AP1B1: variants seen among roughly 807,000 people sequenced by gnomAD.
AP1B1 encodes the protein AP-1 complex subunit beta-1.
In AP1B1, 36 loss-of-function variants were observed where a neutral mutation model predicts 104.3. The observed-to-expected ratio is 0.35, with a 90% CI of 0.26 to 0.46. The LOEUF is 0.46. Among genes scored for constraint, AP1B1 ranks in the 20% least tolerant of loss-of-function variants. The pLI is 1.00. For missense variants in AP1B1, 901 were observed against 1,247.9 expected (o/e 0.72, Z 4.19); for synonymous variants, 504 against 517.5 (o/e 0.97, Z 0.35).
chr22:29,349,906 G>A (rs888608385), intron 10 of AP1B1, 129 bp downstream of exon 10: 2 of 764,734 alleles, frequency 2.6e-6, no homozygotes, highest in African/African-American at 1.7e-5. Context: ...AAAAACAAAG[G>A]GTTTCTTTTG....
intron 11 of AP1B1, among the ~76,000 whole-genome samples, chr22:29,347,792 G>C (rs545128339): frequency 1.3e-5 from 2 of 152,212 alleles, no homozygotes; most frequent in East Asian, 3.9e-4. Context: ...CTCCACAACA[G>C]GAATCTGGCA....
At chr22:29,360,015 T>C (rs1468073185) in intron 3 of AP1B1, 56 bp from the exon 4 acceptor site, 7 of 1,575,258 alleles carry the variant, frequency 4.4e-6, no homozygotes, top group Non-Finnish European at 6.1e-6. Flanking sequence ...AAGAGGAAGA[T>C]TTTCAGGCTG....
chr22:29,373,864 T>C (rs1405367050), intron 1 of AP1B1, among the ~76,000 whole-genome samples: 2 of 147,490 alleles, frequency 1.4e-5, no homozygotes, highest in African/African-American at 5.1e-5. Context: ...GTGGCACCAC[T>C]GCACTCCAGC....
rs745654616 is a variant in AP1B1, at chr22:29,356,608, G to A, written c.534C>T (p.Ala178=). ...LISDSNPMVV[A]NAVAALSEIA... is the part of the protein sequence containing the mutation. ...TTTCTGAGAGCGCTGCCACTGCATTGGCCACCACCTGGTTGAGAGGGTGGG... is the reference window on the plus strand; with the variant it reads ...TTTCTGAGAGCGCTGCCACTGCATTAGCCACCACCTGGTTGAGAGGGTGGG... Residue 178 remains alanine, a synonymous_variant, in exon 6 of 23, where the codon GCC becomes GCT. Coordinates refer to ENST00000357586, the MANE Select transcript of AP1B1 (RefSeq NM_001127.4). 1 of 1,613,942 alleles carries A rather than the reference G, an allele frequency of 6.2e-7. No individual in the cohort carries two copies. The highest frequency in any genetic ancestry group is 1.1e-5 in the South Asian group (1 of 91,060).
At chr22:29,366,883 A>C (rs1203556162) in intron 2 of AP1B1, among the ~76,000 whole-genome samples, 1 of 124,234 alleles carries the variant, frequency 8.0e-6, no homozygotes, top group Non-Finnish European at 1.7e-5. Context: ...CACACACACA[A>C]CTGCTGTGGG....
At position 29,328,911 on chromosome 22, in the gene AP1B1, G is replaced by A. The variant is rs756202749; in HGVS notation, c.2776-16C>T. 19 of 1,603,540 alleles carry A rather than the reference G, an allele frequency of 1.2e-5. No individual in the cohort carries two copies. The South Asian group carries it at 1.8e-4, about 15-fold the overall frequency. On this transcript the variant is annotated splice_polypyrimidine_tract_variant and intron_variant, in intron 22 of 22. Transcript: ENST00000357586. The surrounding 1 kb of genome is among the most constrained non-coding windows in gnomAD (Gnocchi z 4.1). Reference sequence around the variant, plus strand: ...TCAGGGACAGCTGCAGGGGAGAGAGGGGTCGGGGGAAAGAGCGCTCATCCC... The same window carrying A: ...TCAGGGACAGCTGCAGGGGAGAGAGAGGTCGGGGGAAAGAGCGCTCATCCC...
chr22:29,374,950 G>A (rs2062310011), intron 1 of AP1B1, among the ~76,000 whole-genome samples: 2 of 152,244 alleles, frequency 1.3e-5, no homozygotes, highest in South Asian at 4.1e-4. Context: ...TTGAGCCCAG[G>A]AGTTTGAGGC....
chr22:29,380,665 T>C (rs1287386962), intron 1 of AP1B1, among the ~76,000 whole-genome samples: 1 of 152,156 alleles, frequency 6.6e-6, no homozygotes, highest in African/African-American at 2.4e-5. Context: ...GATTCCGACC[T>C]TCAAAATGAA....
chr22:29,359,002 G>A, intron 4 of AP1B1, 31 bp from the exon 5 acceptor site: 1 of 1,577,578 alleles, frequency 6.3e-7, no homozygotes, highest in Admixed American at 1.8e-5. Flanking sequence ...GCCAGGGCAG[G>A]GGTGGGATGA....
intron 1 of AP1B1, among the ~76,000 whole-genome samples, chr22:29,375,348 A>C (rs143478607): frequency 2.4e-5 from 2 of 84,544 alleles, no homozygotes; most frequent in Admixed American, 1.1e-4. Flanking sequence ...AGATTCCATC[A>C]CAAAAAAAAA....
intron 1 of AP1B1, among the ~76,000 whole-genome samples, chr22:29,382,384 C>T (rs2062450881): frequency 6.6e-6 from 1 of 152,220 alleles, no homozygotes; most frequent in African/African-American, 2.4e-5. Context: ...TCTCTGTCCA[C>T]ATCCTTCAGT....
intron 3 of AP1B1, 34 bp from the exon 4 acceptor site, chr22:29,359,993 G>C (rs769863695): frequency 3.1e-6 from 5 of 1,599,592 alleles, no homozygotes; most frequent in South Asian, 1.1e-5. Flanking sequence ...CATGGGAAAG[G>C]CTGAACAAAG....
At chr22:29,329,011 C>T in intron 22 of AP1B1, 116 bp from the exon 23 acceptor site, 1 of 1,491,526 alleles carries the variant, frequency 6.7e-7, no homozygotes, top group Non-Finnish European at 8.9e-7. Flanking sequence ...TGCACACAGC[C>T]TGGCGGCAGC....
intron 1 of AP1B1, among the ~76,000 whole-genome samples, chr22:29,372,349 G>A (rs986682353): frequency 5.3e-5 from 8 of 151,504 alleles, no homozygotes; most frequent in African/African-American, 1.5e-4. Flanking sequence ...ACTTGAACCC[G>A]GGAGGCAGAG....
chr22:29,347,807 C>G (rs929313384), intron 11 of AP1B1, among the ~76,000 whole-genome samples: 3 of 152,222 alleles, frequency 2.0e-5, no homozygotes, highest in Admixed American at 2.0e-4. Context: ...CTGGCAACAG[C>G]TACCCAAATC....
At chr22:29,353,706 C>A (rs973387645) in intron 7 of AP1B1, among the ~76,000 whole-genome samples, 2 of 152,330 alleles carry the variant, frequency 1.3e-5, no homozygotes, top group East Asian at 1.9e-4. Flanking sequence ...GATGTGCTGT[C>A]TTCCAAGAGA....
At chr22:29,336,686 C>T (rs1252883349) in intron 16 of AP1B1, among the ~76,000 whole-genome samples, 1 of 151,966 alleles carries the variant, frequency 6.6e-6, no homozygotes, top group Non-Finnish European at 1.5e-5. Context: ...GCCTGTAATC[C>T]CAGCTACTTC....
chr22:29,345,314 T>A (rs968028077), intron 11 of AP1B1, among the ~76,000 whole-genome samples: 1 of 150,018 alleles, frequency 6.7e-6, no homozygotes, highest in South Asian at 2.1e-4. Flanking sequence ...TGCCTCGGCC[T>A]CCCAAAGTGC....
intron 21 of AP1B1, chr22:29,330,050 G>C (rs2061533737): frequency 5.7e-6 from 8 of 1,407,456 alleles, no homozygotes; most frequent in Non-Finnish European, 5.5e-6. Flanking sequence ...GGACATGCAG[G>C]CACTCACAGG....
Sources: allele counts gnomAD v4.1 joint callset (sites outside exome capture counted in the v4.1 genomes callset), GRCh38; gene constraint gnomAD v4.1.1; non-coding constraint Gnocchi (gnomAD v3.1); transcripts MANE v1.5; gene names NCBI Gene and HGNC (gene_info 2026-07-23, HGNC 2026-07-21).